Variants in CNBP observed in about 807,000 individuals in gnomAD.
CNBP encodes CCHC-type zinc finger nucleic acid binding protein.
Under a neutral mutation model 21.2 loss-of-function variants are expected in CNBP, and 6 were observed. That is an observed-to-expected ratio of 0.28 (90% CI 0.16 to 0.56). CNBP has a LOEUF of 0.56. CNBP is among the 20% of genes least tolerant of loss of function. CNBP has a pLI of 0.93. For missense variants in CNBP, 112 were observed against 233.1 expected, an observed-to-expected ratio of 0.48 and a Z score of 3.38; for synonymous variants, 61 against 74.9, an observed-to-expected ratio of 0.81 and a Z score of 0.96.
rs1328651046 is a variant in CNBP, at chr3:129,172,673, CAGACAGACAGACAGACAG to C, written c.-14-920_-14-903del. Among the ~76,000 whole-genome samples, 145 of 114,704 alleles carry C rather than the reference CAGACAGACAGACAGACAG, an allele frequency of 1.3e-3. 2 individuals carry two copies. Among genetic ancestry groups the C allele is most frequent in the East Asian group, 4.2e-3 (15 of 3,606 alleles). The allele number at this position is 114,704 out of a possible 152,430, so 75.3% of individuals were successfully genotyped here. A position where few individuals can be genotyped will look rare whatever the true frequency, so the allele number is the denominator to read the frequency against. On this transcript the variant is annotated intron_variant, in intron 1 of 4. Transcript: ENST00000422453. ...GCAGGCAGGCAGACAGACAGACAGA[CAGACAGACAGACAGACAG>C]ACAGACACACACACACACACACACA...
chr3:129,174,560 G>A (rs1192489600), intron 1 of CNBP, among the ~76,000 whole-genome samples: 1 of 151,266 alleles, frequency 6.6e-6, no homozygotes, highest in Non-Finnish European at 1.5e-5. Flanking sequence ...AGCTACTCAG[G>A]AGGCGGAGGC....
intron 1 of CNBP, among the ~76,000 whole-genome samples, chr3:129,180,399 T>C (rs986588646): frequency 3.3e-5 from 5 of 152,240 alleles, no homozygotes; most frequent in African/African-American, 9.6e-5. Context: ...ACACAAACAC[T>C]GGCAACTTGC....
intron 1 of CNBP, among the ~76,000 whole-genome samples, chr3:129,175,754 A>G (rs1431557473): frequency 6.6e-6 from 1 of 152,186 alleles, no homozygotes; most frequent in Non-Finnish European, 1.5e-5. Context: ...GTCACACATA[A>G]TTTTGTTTAC....
At chr3:129,180,298 A>G (rs575549173) in intron 1 of CNBP, among the ~76,000 whole-genome samples, 1 of 152,242 alleles carries the variant, frequency 6.6e-6, no homozygotes, top group Non-Finnish European at 1.5e-5. Flanking sequence ...ATCTACAGTC[A>G]TAATAATTTT....
At position 129,170,332 on chromosome 3, in the gene CNBP, G is replaced by A; in HGVS notation, c.*121C>T. 1 of 791,818 alleles carries A rather than the reference G, an allele frequency of 1.3e-6. No homozygotes were observed. Among genetic ancestry groups the A allele is most frequent in the African/African-American group, 1.7e-5 (1 of 57,866 alleles). The allele number at this position is 791,818 out of a possible 1,614,324, so 49.0% of individuals were successfully genotyped here. On this transcript the variant is annotated 3_prime_UTR_variant, in exon 5 of 5. Coordinates refer to ENST00000422453, the MANE Select transcript of CNBP (RefSeq NM_003418.5). ...TCCACCCCTTTCCTCCTTTTACACG[G>A]CAAGTAAAGCTCACTGGCCTGGGAG...
chr3:129,178,734 A>T (rs996073610), intron 1 of CNBP, among the ~76,000 whole-genome samples: 1 of 151,526 alleles, frequency 6.6e-6, no homozygotes, highest in African/African-American at 2.4e-5. Flanking sequence ...CCAACATGGT[A>T]CTGAAACACT....
intron 1 of CNBP, among the ~76,000 whole-genome samples, chr3:129,181,239 CAAAAAAAAAAAAAA>C (rs10587328): frequency 1.9e-5 from 1 of 53,162 alleles, no homozygotes; most frequent in Non-Finnish European, 3.2e-5. Context: ...GACTCTGTCT[CAAAAAAAAAAAAAA>C]AAAAAAAAAA....
In CNBP at chr3:129,170,497, A is replaced by T; in HGVS notation, c.490T>A (p.Ser164Thr). Reference sequence around the variant, plus strand: ...GTGCATTCCCGTGCAAGGTGCCCTGACTCGCCACAGCGGTAACAGTTGACT... The same window carrying T: ...GTGCATTCCCGTGCAAGGTGCCCTGTCTCGCCACAGCGGTAACAGTTGACT... ...SEVNCYRCGESGHLARECTIE... is the reference protein window; with the variant it reads ...SEVNCYRCGETGHLARECTIE... Residue 164 changes from serine to threonine, a missense_variant, in exon 5 of 5, where the codon TCA becomes ACA. Ser to Thr is a moderately conservative substitution (Grantham distance 58, BLOSUM62 1). Coordinates refer to ENST00000422453, the MANE Select transcript of CNBP (RefSeq NM_003418.5). 2 of 1,614,058 alleles carry T rather than the reference A, an allele frequency of 1.2e-6. No individual in the cohort carries two copies. Among genetic ancestry groups the T allele is most frequent in the Non-Finnish European group, 1.7e-6 (2 of 1,180,016 alleles).
At position 129,170,385 on chromosome 3, in the gene CNBP, G is replaced by T; in HGVS notation, c.*68C>A. On this transcript the variant is annotated 3_prime_UTR_variant, in exon 5 of 5. Coordinates refer to ENST00000422453, the MANE Select transcript of CNBP (RefSeq NM_003418.5). ...GCCTCTATCTGCCAACCTTTGGCCA[G>T]TGAAGAGGATTCAGAGAAAATAATA... 1 of 1,363,798 alleles carries T rather than the reference G, an allele frequency of 7.3e-7. No homozygotes were observed. The highest frequency in any genetic ancestry group is 1.0e-6 in the Non-Finnish European group (1 of 952,568). 84.5% of individuals were successfully genotyped at this position (1,363,798 alleles called of 1,614,324 possible).
chr3:129,179,138 G>A (rs1189699059), intron 1 of CNBP, among the ~76,000 whole-genome samples: 1 of 152,104 alleles, frequency 6.6e-6, no homozygotes, highest in Non-Finnish European at 1.5e-5. Flanking sequence ...TTGGCCGGGT[G>A]TGGTGGCCCG....
chr3:129,181,264 A>AAAAAAAAAAAAAAAAAAAC, intron 1 of CNBP, among the ~76,000 whole-genome samples: 1 of 115,196 alleles, frequency 8.7e-6, no homozygotes, highest in African/African-American at 2.9e-5. Context: ...AAAAAAAAAA[A>AAAAAAAAAAAAAAAAAAAC]AAGACAAGTA....
At chr3:129,183,569 A>G (rs955503270) in intron 1 of CNBP, among the ~76,000 whole-genome samples, 2 of 152,236 alleles carry the variant, frequency 1.3e-5, no homozygotes, top group Non-Finnish European at 2.9e-5. Context: ...AGGACGAAGA[A>G]AGGACAGAAG....
chr3:129,181,587 T>C lies in CNBP; in HGVS notation c.-15+2189A>G, dbSNP rs1576928434. ...AATCGCTTAATCCGGGAGGCGGAGGTCGCAGTGAGCCGAGATCGCGCCACT... is the reference window on the plus strand; with the variant it reads ...AATCGCTTAATCCGGGAGGCGGAGGCCGCAGTGAGCCGAGATCGCGCCACT... On this transcript the variant is annotated intron_variant, in intron 1 of 4. Transcript: ENST00000422453. Among the ~76,000 whole-genome samples, 9 of 128,476 alleles carry C rather than the reference T, an allele frequency of 7.0e-5. No homozygotes were observed. The South Asian group carries it at 2.3e-3, about 33-fold the overall frequency. 84.3% of individuals were successfully genotyped at this position (128,476 alleles called of 152,430 possible).
At chr3:129,181,916 A>G (rs756393990) in intron 1 of CNBP, among the ~76,000 whole-genome samples, 19 of 152,324 alleles carry the variant, frequency 1.2e-4, no homozygotes, top group South Asian at 4.1e-4. Flanking sequence ...ACTCTTGTAG[A>G]CAAGAATCAG....
rs140924272 is a variant in CNBP, at chr3:129,172,902, G to A, written c.-14-1131C>T. ...AAGCTGTAAAATGGATTCTCGGAGT[G>A]AGGAGTCAGTGAAGGAAAATACTCT... On this transcript the variant is annotated intron_variant, in intron 1 of 4. Coordinates refer to ENST00000422453, the MANE Select transcript of CNBP (RefSeq NM_003418.5). Among the ~76,000 whole-genome samples the A allele has an allele frequency of 1.2e-4, 19 of 152,292 alleles. No individual in the cohort carries two copies. The East Asian group carries it at 3.3e-3, about 26-fold the overall frequency.
chr3:129,175,538 C>T (rs1576918099), intron 1 of CNBP, among the ~76,000 whole-genome samples: 2 of 150,830 alleles, frequency 1.3e-5, no homozygotes, highest in South Asian at 2.1e-4. Flanking sequence ...CAAGCGATTC[C>T]CCTGCCTCAG....
In CNBP at chr3:129,171,608, T is replaced by C. The variant is rs531181927; in HGVS notation, c.124+26A>G. On this transcript the variant is annotated intron_variant, in intron 2 of 4. Transcript: ENST00000422453. ...TGATACTAACAAATACTGAAGTACT[T>C]CAAATTTTTCTATTCGACAAAATAC... 391 of 1,614,164 alleles carry C rather than the reference T, an allele frequency of 2.4e-4. 5 individuals carry two copies. In the South Asian group the frequency reaches 3.9e-3, roughly 16 times the overall value.
rs747562383 is a variant in CNBP, at chr3:129,171,102, G to A, written c.393C>T (p.Asp131=). Residue 131 remains aspartate (D), a synonymous_variant, in exon 4 of 5, where the codon GAC becomes GAT. Coordinates refer to ENST00000422453, the MANE Select transcript of CNBP (RefSeq NM_003418.5). ...SCGEFGHIQK[D]CTKVKCYRCG... The stretch of plus-strand genomic sequence containing the variant: ...ACCTATAGCACTTCACTTTGGTGCA[G>A]TCTTTTTGAATGTGTCCGAATTCTC... The A allele has an allele frequency of 3.3e-5, 54 of 1,613,774 alleles. No homozygotes were observed. The highest frequency in any genetic ancestry group is 4.4e-5 in the Non-Finnish European group (52 of 1,180,044).
intron 1 of CNBP, among the ~76,000 whole-genome samples, chr3:129,177,158 T>C (rs1212285582): frequency 6.6e-6 from 1 of 152,214 alleles, no homozygotes; most frequent in Admixed American, 6.5e-5. Context: ...AATACTGTTT[T>C]TCACTTTTGT....
Sources: gnomAD v4.1 joint callset for allele counts (sites outside exome capture counted in the v4.1 genomes callset) on GRCh38, gnomAD v4.1.1 for gene constraint, MANE v1.5 for transcripts, NCBI Gene and HGNC (gene_info 2026-07-23, HGNC 2026-07-21) for gene names.